The following KIAA1217 variants were observed in gnomAD, a reference collection of about 807,000 sequenced individuals.
The protein encoded by KIAA1217 is sickle tail protein homolog.
Under a neutral mutation model 163.9 loss-of-function variants are expected in KIAA1217, and 88 were observed. The observed-to-expected ratio is 0.54, with a 90% CI of 0.45 to 0.64. KIAA1217 has a LOEUF of 0.64. Among genes scored for constraint, KIAA1217 ranks in the 30% least tolerant of loss-of-function variants. KIAA1217 has a pLI of 0.00. For missense variants in KIAA1217, 2,372 were observed against 2,475.0 expected (o/e 0.96, Z 0.88); for synonymous variants, 903 against 923.1 (o/e 0.98, Z 0.39).
chr10:24,226,546 G>A (rs1423624091), intron 2 of KIAA1217, among the ~76,000 whole-genome samples: 1 of 151,968 alleles, frequency 6.6e-6, no homozygotes, highest in Non-Finnish European at 1.5e-5. Context: ...GGAGGCTGAG[G>A]TGGGAGAATT....
chr10:24,152,172 A>G (rs1417231886), intron 2 of KIAA1217, among the ~76,000 whole-genome samples: 1 of 152,144 alleles, frequency 6.6e-6, no homozygotes, highest in East Asian at 1.9e-4. Context: ...TCTGTAGCTC[A>G]GCATTTAGTA....
At chr10:23,736,937 G>A (rs1838840342) in intron 1 of KIAA1217, among the ~76,000 whole-genome samples, 1 of 152,040 alleles carries the variant, frequency 6.6e-6, no homozygotes, top group African/African-American at 2.4e-5. Flanking sequence ...GAATCAGCTT[G>A]CCAAGATCCA....
At chr10:24,540,961 A>C (rs2074963545) in intron 17 of KIAA1217, among the ~76,000 whole-genome samples, 1 of 151,238 alleles carries the variant, frequency 6.6e-6, no homozygotes, top group Admixed American at 6.6e-5. Flanking sequence ...TAGAGATGGG[A>C]TTTCACCGTG....
intron 2 of KIAA1217, among the ~76,000 whole-genome samples, chr10:24,296,836 A>G (rs1459195887): frequency 1.3e-5 from 2 of 152,224 alleles, no homozygotes; most frequent in African/African-American, 4.8e-5. Context: ...ATGTGCAAAA[A>G]AAGAAATTGC....
In KIAA1217 at chr10:24,524,541, T is replaced by C; in HGVS notation, c.2675T>C (p.Val892Ala). The C allele has an allele frequency of 6.2e-7, 1 of 1,613,998 alleles. No homozygotes were observed. The highest frequency in any genetic ancestry group is 8.5e-7 in the Non-Finnish European group (1 of 1,179,958). The change falls in exon 13 of 21, where the codon GTG becomes GCG. Residue 892 changes from valine (V) to alanine (A), a missense_variant. This residue lies in a region of KIAA1217 where 1,431 missense variants were observed against 1,470.3 expected (regional missense o/e 0.97). Coordinates refer to ENST00000376454, the MANE Select transcript of KIAA1217 (RefSeq NM_019590.5). Reference sequence around the variant, plus strand: ...GTTCGCCACGCGCAGAGCTCCCCTGTGGTCATCCAGCCCTCCCAGCACTCC... The same window carrying C: ...GTTCGCCACGCGCAGAGCTCCCCTGCGGTCATCCAGCCCTCCCAGCACTCC... ...MMVRHAQSSP[V>A]VIQPSQHSVA...
chr10:24,075,963 G>C (rs910963719), intron 2 of KIAA1217, among the ~76,000 whole-genome samples: 2 of 151,850 alleles, frequency 1.3e-5, no homozygotes, highest in African/African-American at 4.8e-5. Context: ...AATTCTGAGA[G>C]GTCATTACTG....
intron 2 of KIAA1217, among the ~76,000 whole-genome samples, chr10:24,104,963 C>G (rs1399549396): frequency 1.3e-5 from 2 of 152,136 alleles, no homozygotes; most frequent in African/African-American, 4.8e-5. Flanking sequence ...TTCCCTCAAA[C>G]ACATTTCCTG....
intron 2 of KIAA1217, among the ~76,000 whole-genome samples, chr10:24,232,499 G>A (rs1426867314): frequency 7.2e-5 from 11 of 152,146 alleles, no homozygotes. Flanking sequence ...GGGTAGGTGG[G>A]GAAGTATGGA....
intron 2 of KIAA1217, among the ~76,000 whole-genome samples, chr10:24,147,023 A>C (rs891768915): frequency 6.6e-6 from 1 of 151,770 alleles, no homozygotes. Context: ...AAAAAAAAAA[A>C]AAAAAAAACA....
At chr10:23,848,611 T>C (rs555202081) in intron 1 of KIAA1217, among the ~76,000 whole-genome samples, 96 of 152,210 alleles carry the variant, frequency 6.3e-4, no homozygotes, top group Non-Finnish European at 9.9e-4. Context: ...TGGCATTTTA[T>C]ATTTTTGTGA....
rs549380418 is a variant in KIAA1217, at chr10:23,812,797, G to GT, written c.-321+117569dup. Among the ~76,000 whole-genome samples, 62 of 151,156 alleles carry GT rather than the reference G, an allele frequency of 4.1e-4. 1 individual carries two copies. In the South Asian group the frequency reaches 0.012, roughly 30 times the overall value. On this transcript the variant is annotated intron_variant, in intron 1 of 18. Transcript: ENST00000376462. ...TATAGATGGAATCACGCAGTATGTG[G>GT]TTTTTTGTGTGTGTGTGATTGGCTT... is the stretch of plus-strand genomic sequence containing the variant.
chr10:24,402,467 C>G (rs1005744659), intron 3 of KIAA1217, among the ~76,000 whole-genome samples: 1 of 149,122 alleles, frequency 6.7e-6, no homozygotes, highest in Non-Finnish European at 1.5e-5. Flanking sequence ...CGAGATCGCG[C>G]CACTGCACTC....
At chr10:24,474,155 A>G in intron 6 of KIAA1217, 95 bp downstream of exon 6, 1 of 877,772 alleles carries the variant, frequency 1.1e-6, no homozygotes, top group Admixed American at 2.7e-5. Flanking sequence ...TAAATGTCTG[A>G]GCACCCATCT....
Position 24,240,866 on chromosome 10 carries a change from T to TAAA in KIAA1217, c.354+20965_354+20967dup, listed in dbSNP as rs1316007065. Among the ~76,000 whole-genome samples the TAAA allele has an allele frequency of 2.2e-3, 324 of 146,986 alleles. 1 individual carries two copies. The highest frequency in any genetic ancestry group is 7.8e-3 in the African/African-American group (297 of 38,208). On this transcript the variant is annotated intron_variant, in intron 2 of 20. Transcript: ENST00000376454. The stretch of plus-strand genomic sequence containing the variant: ...GTAAGGCTAGTAGTCTTTTTTTTTT[T>TAAA]AAAAAAAAAAGACAGGGTCTCACTC...
chr10:23,909,295 A>G (rs1842321576), intron 1 of KIAA1217, among the ~76,000 whole-genome samples: 1 of 152,110 alleles, frequency 6.6e-6, no homozygotes, highest in South Asian at 2.1e-4. Context: ...CTCACAAAAC[A>G]CCACTAAATA....
intron 2 of KIAA1217, among the ~76,000 whole-genome samples, chr10:24,091,678 A>G (rs770681556): frequency 6.6e-6 from 1 of 151,828 alleles, no homozygotes; most frequent in Non-Finnish European, 1.5e-5. Flanking sequence ...AACTAGGGTA[A>G]AACATACCTC....
Position 23,956,305 on chromosome 10 carries a change from A to G in KIAA1217, c.-320-50920A>G, listed in dbSNP as rs1279841779. ...TTAAGACCTAGAAAATAAACAGTAC[A>G]CACACATTCACACACACATACACAC... On this transcript the variant is annotated intron_variant, in intron 1 of 18. Transcript: ENST00000376462. 9.8e-5 allele frequency among the ~76,000 whole-genome samples: 15 copies of G among 152,312 alleles called. 4 individuals carry two copies. The highest frequency in any genetic ancestry group is 9.8e-4 in the Admixed American group (15 of 15,298).
chr10:24,436,491 G>A (rs1313568141), intron 4 of KIAA1217, among the ~76,000 whole-genome samples: 4 of 150,864 alleles, frequency 2.7e-5, no homozygotes, highest in African/African-American at 9.7e-5. Context: ...GGGCGCTGTG[G>A]CTCACGCCTG....
chr10:24,396,876 T>A (rs1171077124), intron 3 of KIAA1217, among the ~76,000 whole-genome samples: 2 of 152,148 alleles, frequency 1.3e-5, no homozygotes, highest in East Asian at 3.9e-4. Flanking sequence ...GTGGCGCCAC[T>A]TCAGATTTAA....
Sources: gnomAD v4.1 joint callset for allele counts (sites outside exome capture counted in the v4.1 genomes callset) on GRCh38, gnomAD v4.1.1 for gene constraint, gnomAD v4.1.1 regional missense constraint, MANE v1.5 for transcripts, NCBI Gene and HGNC (gene_info 2026-07-23, HGNC 2026-07-21) for gene names.